The following KCNH7 variants were observed in gnomAD, a reference collection of about 807,000 sequenced individuals.
The protein encoded by KCNH7 is potassium voltage-gated channel subfamily H member 7, also known as voltage-gated inwardly rectifying potassium channel KCNH7.
KCNH7 carries 49 observed loss-of-function variants against 120.8 expected under a neutral mutation model. The observed-to-expected ratio is 0.41, with a 90% CI of 0.32 to 0.51. KCNH7 has a LOEUF of 0.51. Among genes scored for constraint, KCNH7 ranks in the 20% least tolerant of loss-of-function variants. The pLI, the probability that KCNH7 is intolerant of heterozygous loss-of-function variation, is 0.38. For missense variants in KCNH7, 1,097 were observed against 1,446.6 expected, an observed-to-expected ratio of 0.76 and a Z score of 3.92; for synonymous variants, 547 against 516.1, an observed-to-expected ratio of 1.06 and a Z score of -0.81.
intron 13 of KCNH7, among the ~76,000 whole-genome samples, chr2:162,380,315 C>T (rs1351445361): frequency 2.0e-5 from 3 of 152,066 alleles, no homozygotes; most frequent in African/African-American, 4.8e-5. Flanking sequence ...ATAAGAACAG[C>T]AGAACCAAAA....
chr2:162,606,296 T>C (rs897324138), intron 2 of KCNH7, among the ~76,000 whole-genome samples: 7 of 152,034 alleles, frequency 4.6e-5, no homozygotes, highest in African/African-American at 1.2e-4. Flanking sequence ...AAGAAAACTG[T>C]GACAATGTAC....
At chr2:162,724,627 G>C (rs10167405) in intron 2 of KCNH7, among the ~76,000 whole-genome samples, 36,435 of 144,398 alleles carry the variant, frequency 0.25, 6,832 homozygotes, top group East Asian at 0.53. Context: ...AGCCGAGATC[G>C]CGCCACTGCA....
At chr2:162,716,530 A>G (rs1023666576) in intron 2 of KCNH7, among the ~76,000 whole-genome samples, 7 of 152,152 alleles carry the variant, frequency 4.6e-5, no homozygotes, top group Non-Finnish European at 1.0e-4. Flanking sequence ...AGTGCTTTAC[A>G]TTAGCACGAT....
intron 9 of KCNH7, among the ~76,000 whole-genome samples, chr2:162,422,922 G>A (rs191973381): frequency 6.6e-6 from 1 of 152,248 alleles, no homozygotes; most frequent in Admixed American, 6.5e-5. Context: ...CTTTTAAAGT[G>A]TGTTAACCTG....
intron 2 of KCNH7, among the ~76,000 whole-genome samples, chr2:162,748,459 A>T (rs896974353): frequency 1.1e-4 from 16 of 151,858 alleles, no homozygotes; most frequent in Admixed American, 9.2e-4. Flanking sequence ...TTGATGAACA[A>T]TTTTTTTTTG....
chr2:162,706,351 T>C (rs1187885337), intron 2 of KCNH7, among the ~76,000 whole-genome samples: 12 of 152,150 alleles, frequency 7.9e-5, no homozygotes, highest in East Asian at 1.9e-4. Context: ...GGTGGTGTTG[T>C]TATTGATAAT....
At chr2:162,448,640 G>C (rs776341625) in intron 6 of KCNH7, among the ~76,000 whole-genome samples, 31 of 152,020 alleles carry the variant, frequency 2.0e-4, no homozygotes, top group Non-Finnish European at 4.1e-4. Context: ...CTCCCACATG[G>C]GGCAATTGCA....
In KCNH7 at chr2:162,396,778, G is replaced by A; in HGVS notation, c.2575C>T (p.Leu859=). 2 of 1,611,448 alleles carry A rather than the reference G, an allele frequency of 1.2e-6. No homozygotes were observed. Among genetic ancestry groups the A allele is most frequent in the Non-Finnish European group, 1.7e-6 (2 of 1,178,524 alleles). The stretch of plus-strand genomic sequence containing the variant: ...TGCCTTAGGTTGAAAGTCAACTCTA[G>A]GTTTGTTAGAAAGTGATCAGAAAAC... ...PEFSDHFLTN[L]ELTFNLRHES... The change falls in exon 11 of 16, where the codon CTA becomes TTA. Residue 859 remains leucine, a synonymous_variant. Coordinates refer to ENST00000332142, the MANE Select transcript of KCNH7 (RefSeq NM_033272.4).
chr2:162,697,983 T>C (rs1457963503), intron 2 of KCNH7, among the ~76,000 whole-genome samples: 1 of 152,166 alleles, frequency 6.6e-6, no homozygotes, highest in African/African-American at 2.4e-5. Context: ...GAGATTTTGC[T>C]ATTCCTAAAA....
intron 2 of KCNH7, among the ~76,000 whole-genome samples, chr2:162,592,024 T>C (rs571190132): frequency 1.3e-5 from 2 of 152,248 alleles, no homozygotes; most frequent in Admixed American, 1.3e-4. Context: ...TTCAATCCTC[T>C]TTTATTTTCC....
intron 8 of KCNH7, among the ~76,000 whole-genome samples, chr2:162,428,679 C>A (rs1000129210): frequency 6.6e-6 from 1 of 151,858 alleles, no homozygotes; most frequent in Middle Eastern, 3.2e-3. Flanking sequence ...TTTCTCCTTT[C>A]AGTTACATCA....
In KCNH7 at chr2:162,443,959, G is replaced by A. The variant is rs867146362; in HGVS notation, c.1554+2059C>T. Among the ~76,000 whole-genome samples the A allele has an allele frequency of 5.3e-5, 8 of 152,190 alleles. 1 individual carries two copies. The highest frequency in any genetic ancestry group is 4.1e-4 in the South Asian group (2 of 4,822). On this transcript the variant is annotated intron_variant, in intron 7 of 15. Coordinates refer to ENST00000332142, the MANE Select transcript of KCNH7 (RefSeq NM_033272.4). ...GACATTTTCACTAGTGTTTCCTTCTGTGTGAAATGCTCTGCACGGTGGTCT... is the reference window on the plus strand; with the variant it reads ...GACATTTTCACTAGTGTTTCCTTCTATGTGAAATGCTCTGCACGGTGGTCT...
intron 5 of KCNH7, among the ~76,000 whole-genome samples, chr2:162,506,535 A>C (rs952099036): frequency 2.0e-5 from 3 of 151,830 alleles, no homozygotes; most frequent in African/African-American, 7.2e-5. Flanking sequence ...TAACAGGGAT[A>C]CTATTAAGAG....
chr2:162,832,570 A>C (rs1314635546), intron 2 of KCNH7, among the ~76,000 whole-genome samples: 2 of 151,908 alleles, frequency 1.3e-5, no homozygotes, highest in Non-Finnish European at 2.9e-5. Flanking sequence ...TTCCATTAAA[A>C]ATAATTTTAT....
At chr2:162,499,268 G>A (rs777961681) in intron 6 of KCNH7, among the ~76,000 whole-genome samples, 12 of 152,082 alleles carry the variant, frequency 7.9e-5, no homozygotes, top group Non-Finnish European at 1.8e-4. Flanking sequence ...CCAATAATTT[G>A]ATCTTCAATT....
chr2:162,651,787 CT>C (rs569369399), intron 2 of KCNH7, among the ~76,000 whole-genome samples: 66 of 152,244 alleles, frequency 4.3e-4, no homozygotes, highest in African/African-American at 1.5e-3. Context: ...ATACTGCTTT[CT>C]ACAATGGTTG....
intron 2 of KCNH7, among the ~76,000 whole-genome samples, chr2:162,738,765 A>T (rs933219072): frequency 7.9e-5 from 12 of 152,254 alleles, no homozygotes; most frequent in Non-Finnish European, 5.9e-5. Flanking sequence ...TTGGAGGATA[A>T]CTAAAAGAAA....
Position 162,808,880 on chromosome 2 carries a change from T to G in KCNH7, c.307+27657A>C, listed in dbSNP as rs146444473. Among the ~76,000 whole-genome samples the G allele has an allele frequency of 7.2e-3, 1,096 of 152,320 alleles. 2 individuals carry two copies. The highest frequency in any genetic ancestry group is 0.011 in the Non-Finnish European group (774 of 68,024). ...TTCCAGGTGCAAAACAGTCAGCTGCTGCTGAATTTTGGATGGGATAAGTAA... is the reference window on the plus strand; with the variant it reads ...TTCCAGGTGCAAAACAGTCAGCTGCGGCTGAATTTTGGATGGGATAAGTAA... On this transcript the variant is annotated intron_variant, in intron 2 of 15. Transcript: ENST00000332142.
At chr2:162,568,060 C>A (rs1693320646) in intron 2 of KCNH7, among the ~76,000 whole-genome samples, 1 of 151,890 alleles carries the variant, frequency 6.6e-6, no homozygotes, top group Non-Finnish European at 1.5e-5. Flanking sequence ...CCTCAGGAAA[C>A]TTAACAATCA....
Sources: allele counts gnomAD v4.1 joint callset (sites outside exome capture counted in the v4.1 genomes callset), GRCh38; gene constraint gnomAD v4.1.1; transcripts MANE v1.5; gene names NCBI Gene and HGNC (gene_info 2026-07-23, HGNC 2026-07-21).